Variants in AFG2A observed in about 807,000 individuals in gnomAD.
AFG2A encodes the protein ATPase family gene 2 protein homolog A.
chr4:123,049,086 T>A, the AFG2A span, among the ~76,000 whole-genome samples: 3,262 of 152,286 alleles, frequency 0.021, 60 homozygotes, highest in Non-Finnish European at 0.035. Context: ...ATGTTGAATT[T>A]TACCCAGTTT....
chr4:123,129,597 G>C, the AFG2A span, among the ~76,000 whole-genome samples: 1 of 152,082 alleles, frequency 6.6e-6, no homozygotes, highest in African/African-American at 2.4e-5. Context: ...ATTCCTCTTT[G>C]TTTTACGTGA....
At chr4:122,976,292 C>T in the AFG2A span, among the ~76,000 whole-genome samples, 20 of 152,276 alleles carry the variant, frequency 1.3e-4, no homozygotes, top group Admixed American at 2.6e-4. Context: ...GACTAAAGGT[C>T]GTCACAGATC....
At chr4:123,070,239 C>G in the AFG2A span, among the ~76,000 whole-genome samples, 5 of 151,878 alleles carry the variant, frequency 3.3e-5, no homozygotes, top group South Asian at 1.0e-3. Context: ...CTGACACTTA[C>G]AATGACTAAA....
At chr4:123,014,560 A>G in the AFG2A span, among the ~76,000 whole-genome samples, 1 of 152,328 alleles carries the variant, frequency 6.6e-6, no homozygotes, top group African/African-American at 2.4e-5. Flanking sequence ...GACTTCATGC[A>G]TAGCCAGATC....
At chr4:123,217,776 T>A in the AFG2A span, among the ~76,000 whole-genome samples, 10,985 of 152,286 alleles carry the variant, frequency 0.072, 1,057 homozygotes, top group African/African-American at 0.22. Flanking sequence ...GCAGCATATG[T>A]CTGCTCAGCA....
chr4:123,071,337 GGGCGTGGT>G, the AFG2A span, among the ~76,000 whole-genome samples: 1 of 152,036 alleles, frequency 6.6e-6, no homozygotes, highest in African/African-American at 2.4e-5. Flanking sequence ...AAAATTAGCC[GGGCGTGGT>G]GGCGCATGCC....
the AFG2A span, among the ~76,000 whole-genome samples, chr4:123,009,151 C>A: frequency 1.3e-5 from 2 of 152,222 alleles, no homozygotes; most frequent in East Asian, 1.9e-4. Flanking sequence ...GTACACACTT[C>A]TAGATGTCCT....
chr4:123,017,414 A>ATTTTTT, the AFG2A span, among the ~76,000 whole-genome samples: 3 of 74,716 alleles, frequency 4.0e-5, no homozygotes, highest in Admixed American at 1.7e-4. Context: ...AGCATGGGAA[A>ATTTTTT]TTTTTTTTTT....
chr4:123,200,788 T>G, the AFG2A span, among the ~76,000 whole-genome samples: 1 of 152,246 alleles, frequency 6.6e-6, no homozygotes, highest in Non-Finnish European at 1.5e-5. Context: ...TGTGACAAGA[T>G]GTCAGTTACC....
chr4:123,101,293 G>A, the AFG2A span, among the ~76,000 whole-genome samples: 12 of 151,866 alleles, frequency 7.9e-5, no homozygotes, highest in Non-Finnish European at 1.6e-4. Flanking sequence ...ATTTATGGAG[G>A]AAGAACAGAT....
chr4:123,100,175 C>T, the AFG2A span, among the ~76,000 whole-genome samples: 3 of 151,808 alleles, frequency 2.0e-5, no homozygotes, highest in Non-Finnish European at 4.4e-5. Flanking sequence ...TCATCCTTTG[C>T]TTATTCACCC....
At chr4:123,237,863 A>G in the AFG2A span, among the ~76,000 whole-genome samples, 152 of 152,170 alleles carry the variant, frequency 1.0e-3, no homozygotes, top group African/African-American at 3.6e-3. Flanking sequence ...GAACTGAAAT[A>G]GGGTGGGGCA....
the AFG2A span, chr4:122,979,369 G>A: frequency 1.2e-6 from 2 of 1,614,078 alleles, no homozygotes; most frequent in South Asian, 2.2e-5. Context: ...GAGGGAAATA[G>A]CAATTGATGT....
the AFG2A span, chr4:122,923,445 A>G: frequency 8.8e-7 from 1 of 1,132,762 alleles, no homozygotes; most frequent in Non-Finnish European, 1.3e-6. Flanking sequence ...GAAGCGTGTA[A>G]GACTTCTGTA....
At chr4:123,147,252 G>A in the AFG2A span, among the ~76,000 whole-genome samples, 2 of 152,060 alleles carry the variant, frequency 1.3e-5, no homozygotes, top group African/African-American at 4.8e-5. Context: ...GATCTTTAGT[G>A]CCTAAAACTG....
At chr4:123,063,574 G>A in the AFG2A span, among the ~76,000 whole-genome samples, 183 of 152,088 alleles carry the variant, frequency 1.2e-3, no homozygotes, top group African/African-American at 4.2e-3. Context: ...GTGAAACCCC[G>A]TCTCTACTAA....
chr4:123,093,146 T>C, the AFG2A span, among the ~76,000 whole-genome samples: 1 of 152,126 alleles, frequency 6.6e-6, no homozygotes, highest in Non-Finnish European at 1.5e-5. Flanking sequence ...GGTTCTTTGC[T>C]ACCCCCAGGA....
the AFG2A span, among the ~76,000 whole-genome samples, chr4:123,201,748 G>A: frequency 6.6e-6 from 1 of 151,962 alleles, no homozygotes; most frequent in African/African-American, 2.4e-5. Context: ...GTGAAACTTT[G>A]TCTTTACTAA....
chr4:123,172,357 A>C, the AFG2A span, among the ~76,000 whole-genome samples: 1 of 152,210 alleles, frequency 6.6e-6, no homozygotes, highest in East Asian at 1.9e-4. Context: ...TTGTCTGTCT[A>C]TTTAATAGTC....
Sources: gnomAD v4.1 joint callset for allele counts (sites outside exome capture counted in the v4.1 genomes callset) on GRCh38, gnomAD v4.1.1 for gene constraint, MANE v1.5 for transcripts, NCBI Gene and HGNC (gene_info 2026-07-23, HGNC 2026-07-21) for gene names.